TENM2: variants seen among roughly 807,000 people sequenced by gnomAD.
TENM2 encodes the protein teneurin-2.
In TENM2, 52 loss-of-function variants were observed where a neutral mutation model predicts 245.2. The observed-to-expected ratio is 0.21, with a 90% CI of 0.17 to 0.27. TENM2 has a LOEUF of 0.27. Among genes scored for constraint, TENM2 ranks in the 10% least tolerant of loss-of-function variants. The pLI is 1.00. For synonymous variants in TENM2, 1,363 were observed against 1,438.9 expected (o/e 0.95, Z 1.19); for missense variants, 3,046 against 3,666.8 (o/e 0.83, Z 4.37).
chr5:167,760,302 C>T (rs561585396), intron 2 of TENM2, among the ~76,000 whole-genome samples: 2 of 152,270 alleles, frequency 1.3e-5, no homozygotes, highest in South Asian at 4.1e-4. Context: ...TAAGTCATCC[C>T]ATCTTTTGTT....
chr5:167,415,783 T>C (rs1442217470), intron 2 of TENM2, among the ~76,000 whole-genome samples: 1 of 152,156 alleles, frequency 6.6e-6, no homozygotes, highest in East Asian at 1.9e-4. Context: ...GGAGGTTATG[T>C]TGAATGGTGA....
intron 5 of TENM2, among the ~76,000 whole-genome samples, chr5:168,007,399 G>T (rs1784906259): frequency 6.6e-6 from 1 of 152,202 alleles, no homozygotes; most frequent in Admixed American, 6.5e-5. Context: ...AAAGTGCTGG[G>T]ATTCCAGGTG....
At chr5:167,697,530 A>G (rs1347224597) in intron 2 of TENM2, among the ~76,000 whole-genome samples, 1 of 150,988 alleles carries the variant, frequency 6.6e-6, no homozygotes, top group East Asian at 1.9e-4. Flanking sequence ...TGAATGAAAG[A>G]GTTATCAATT....
chr5:167,785,931 G>A (rs1315597223), intron 2 of TENM2, among the ~76,000 whole-genome samples: 2 of 152,026 alleles, frequency 1.3e-5, no homozygotes, highest in African/African-American at 2.4e-5. Context: ...GTGGGGTGGG[G>A]GAAAAATAGC....
At chr5:168,158,441 CA>C (rs1757388632) in intron 12 of TENM2, among the ~76,000 whole-genome samples, 1 of 151,982 alleles carries the variant, frequency 6.6e-6, no homozygotes, top group Non-Finnish European at 1.5e-5. Flanking sequence ...TGCCTAAAAC[CA>C]GGCCAAGCTC....
chr5:167,034,629 CAAAAAAA>C, the TENM2 span, among the ~76,000 whole-genome samples: 10 of 72,244 alleles, frequency 1.4e-4, no homozygotes, highest in East Asian at 4.4e-4. Flanking sequence ...GACTCCGTCT[CAAAAAAA>C]AAAAAAAAAA....
intron 13 of TENM2, among the ~76,000 whole-genome samples, chr5:168,163,352 C>T (rs1757920684): frequency 6.6e-6 from 1 of 152,158 alleles, no homozygotes; most frequent in African/African-American, 2.4e-5. Context: ...ATAGTTTTAA[C>T]ATTTTTAATG....
upstream of TENM2, among the ~76,000 whole-genome samples, chr5:167,281,113 GT>G (rs754623913): frequency 1.0e-3 from 128 of 122,484 alleles, no homozygotes; most frequent in African/African-American, 2.0e-3. Flanking sequence ...GACAATCAAT[GT>G]TTTTTTTTTT....
chr5:167,092,786 A>G, the TENM2 span, among the ~76,000 whole-genome samples: 9 of 152,212 alleles, frequency 5.9e-5, no homozygotes, highest in Admixed American at 5.9e-4. Flanking sequence ...CTTACAGATC[A>G]GTAAGAAAAA....
intron 2 of TENM2, among the ~76,000 whole-genome samples, chr5:167,428,798 A>C (rs574934874): frequency 6.6e-6 from 1 of 152,292 alleles, no homozygotes; most frequent in Admixed American, 6.5e-5. Context: ...ATCGAGGCCG[A>C]GCTCAGTGCA....
At chr5:168,242,882 G>A (rs937987525) in intron 25 of TENM2, among the ~76,000 whole-genome samples, 35 of 151,978 alleles carry the variant, frequency 2.3e-4, no homozygotes, top group African/African-American at 3.4e-4. Context: ...ACTTGAACCC[G>A]GGAGACAGAG....
intron 2 of TENM2, among the ~76,000 whole-genome samples, chr5:167,815,405 G>A (rs1583079805): frequency 1.3e-5 from 2 of 152,224 alleles, no homozygotes; most frequent in Non-Finnish European, 2.9e-5. Flanking sequence ...ACCCCCAGAT[G>A]AGCTAAGTGA....
At chr5:167,764,859 A>G (rs1762905065) in intron 2 of TENM2, among the ~76,000 whole-genome samples, 1 of 152,146 alleles carries the variant, frequency 6.6e-6, no homozygotes, top group African/African-American at 2.4e-5. Flanking sequence ...GCAAATTGCT[A>G]TGCTGATGAA....
the TENM2 span, among the ~76,000 whole-genome samples, chr5:167,011,875 G>C: frequency 6.6e-6 from 1 of 152,208 alleles, no homozygotes; most frequent in African/African-American, 2.4e-5. Flanking sequence ...TAGTTGTGGA[G>C]ATCAAGGTTA....
the TENM2 span, among the ~76,000 whole-genome samples, chr5:167,067,036 A>T: frequency 6.6e-6 from 1 of 152,172 alleles, no homozygotes; most frequent in South Asian, 2.1e-4. Context: ...TTTCTTTTAC[A>T]TTCCTTTTTA....
chr5:167,744,022 C>A (rs1276476120), intron 2 of TENM2, among the ~76,000 whole-genome samples: 1 of 152,170 alleles, frequency 6.6e-6, no homozygotes, highest in Non-Finnish European at 1.5e-5. Context: ...CTTGCCTGTG[C>A]TCACACAGCT....
intron 2 of TENM2, among the ~76,000 whole-genome samples, chr5:167,465,255 A>G (rs1766570868): frequency 6.6e-6 from 1 of 152,220 alleles, no homozygotes; most frequent in African/African-American, 2.4e-5. Context: ...CTTTTTTCCC[A>G]TGTAACGGAG....
intron 4 of TENM2, among the ~76,000 whole-genome samples, chr5:167,979,684 T>C (rs2151962464): frequency 6.6e-6 from 1 of 152,296 alleles, no homozygotes; most frequent in Middle Eastern, 3.4e-3. Context: ...TGATTATAGC[T>C]GATATCCCTC....
chr5:168,084,371 A>G (rs1028573028), intron 7 of TENM2, among the ~76,000 whole-genome samples: 88 of 152,346 alleles, frequency 5.8e-4, no homozygotes, highest in African/African-American at 2.1e-3. Flanking sequence ...TCACATTCCC[A>G]TCAACAGTGT....
Sources: gnomAD v4.1 joint callset for allele counts (sites outside exome capture counted in the v4.1 genomes callset) on GRCh38, gnomAD v4.1.1 for gene constraint, MANE v1.5 for transcripts, NCBI Gene and HGNC (gene_info 2026-07-23, HGNC 2026-07-21) for gene names.